Variants in SYTL5 observed in about 807,000 individuals in gnomAD.
SYTL5 encodes the protein synaptotagmin like 5.
SYTL5 carries 34 observed loss-of-function variants against 55.9 expected under a neutral mutation model. That is an observed-to-expected ratio of 0.61 (90% CI 0.46 to 0.81). The LOEUF (loss-of-function observed/expected upper bound fraction) is 0.81. Ranked by LOEUF, SYTL5 falls within the 30% of genes least tolerant of loss-of-function variation. The pLI is 0.00. For synonymous variants in SYTL5, 221 were observed against 188.7 expected (o/e 1.17, Z -1.40); for missense variants, 637 against 546.7 (o/e 1.17, Z -1.65).
chrX:37,908,119 AAG>A, the SYTL5 span, among the ~76,000 whole-genome samples: 1 of 30,444 alleles, frequency 3.3e-5, no homozygotes, highest in African/African-American at 3.3e-4. Flanking sequence ...CCTGTCTCTA[AAG>A]AAAAAAAAAA....
chrX:38,126,880 A>G lies in SYTL5; in HGVS notation c.*150A>G, dbSNP rs146868413. 6.6e-5 allele frequency: 36 copies of G among 542,817 alleles called. No individual in the cohort carries two copies. The African/African-American group carries it at 8.0e-4, about 12-fold the overall frequency. The allele number at this position is 542,817 out of a possible 1,213,427, so 44.7% of individuals were successfully genotyped here. ...GGGGAGAGATGTCAGTAGTATGAAC[A>G]TTTAGGGTCTTGCTGAGTGCCTAAA... On this transcript the variant is annotated 3_prime_UTR_variant, in exon 17 of 17. Coordinates refer to ENST00000297875, the MANE Select transcript of SYTL5 (RefSeq NM_138780.3).
At chrX:38,095,454 T>A (rs1476608889) in intron 8 of SYTL5, among the ~76,000 whole-genome samples, 1 of 112,093 alleles carries the variant, frequency 8.9e-6, no homozygotes, top group Non-Finnish European at 1.9e-5. Flanking sequence ...ATCTCAGTAG[T>A]GCTTTGGTAT....
the SYTL5 span, among the ~76,000 whole-genome samples, chrX:37,986,349 C>T: frequency 9.0e-5 from 10 of 110,879 alleles, no homozygotes; most frequent in African/African-American, 2.9e-4. Context: ...ATGAGAGGGT[C>T]GTGATTGACT....
intron 6 of SYTL5, among the ~76,000 whole-genome samples, chrX:38,084,261 T>C (rs1035120617): frequency 8.9e-6 from 1 of 112,200 alleles, no homozygotes; most frequent in African/African-American, 3.2e-5. Flanking sequence ...AGGGAGGGCA[T>C]GGAAACTCTG....
rs928276870 is a variant in SYTL5 at position 38,128,158 on chromosome X, G to A, written c.*1428G>A. On this transcript the variant is annotated 3_prime_UTR_variant, in exon 17 of 17. Transcript: ENST00000297875. Reference sequence around the variant, plus strand: ...AAAGTTAAAGCTAGAAGGAACCTCAGGCCCAGTTGCTCATTTTGCAGATTC... The same window carrying A: ...AAAGTTAAAGCTAGAAGGAACCTCAAGCCCAGTTGCTCATTTTGCAGATTC... 6 of 112,245 alleles carry A rather than the reference G, an allele frequency of 5.3e-5. No homozygotes were observed. The highest frequency in any genetic ancestry group is 1.9e-4 in the African/African-American group (6 of 30,902). The allele number at this position is 112,245 out of a possible 1,213,427, so 9.3% of individuals were successfully genotyped here.
At chrX:37,965,395 C>T in the SYTL5 span, among the ~76,000 whole-genome samples, 1 of 111,788 alleles carries the variant, frequency 8.9e-6, no homozygotes, top group Non-Finnish European at 1.9e-5. Context: ...TGTTATTTAG[C>T]TTCCACACAT....
the SYTL5 span, among the ~76,000 whole-genome samples, chrX:37,953,052 G>T: frequency 1.8e-5 from 2 of 111,464 alleles, no homozygotes; most frequent in African/African-American, 6.5e-5. Context: ...TCAGGAAAAC[G>T]AGTTTATATT....
chrX:38,088,438 A>G (rs1273708387), intron 6 of SYTL5, among the ~76,000 whole-genome samples: 2 of 111,702 alleles, frequency 1.8e-5, no homozygotes, highest in Non-Finnish European at 3.8e-5. Context: ...CTTCTATTTT[A>G]CCACTTAGCA....
intron 10 of SYTL5, among the ~76,000 whole-genome samples, chrX:38,104,970 C>T (rs1230888340): frequency 2.7e-5 from 3 of 112,464 alleles, no homozygotes; most frequent in Non-Finnish European, 5.6e-5. Context: ...AAAGAAAGCA[C>T]TTTTGGCTTC....
the SYTL5 span, among the ~76,000 whole-genome samples, chrX:37,933,935 A>G: frequency 1.1e-4 from 12 of 111,222 alleles, no homozygotes; most frequent in Non-Finnish European, 1.1e-4. Context: ...GACCCTCAAC[A>G]AAGACTAGGA....
intron 6 of SYTL5, among the ~76,000 whole-genome samples, chrX:38,077,195 T>G (rs916013474): frequency 3.6e-5 from 4 of 111,673 alleles, no homozygotes; most frequent in African/African-American, 1.3e-4. Flanking sequence ...GAATGTCCTA[T>G]CCACAGATCT....
chrX:37,944,445 G>T, the SYTL5 span, among the ~76,000 whole-genome samples: 1 of 111,544 alleles, frequency 9.0e-6, no homozygotes, highest in Non-Finnish European at 1.9e-5. Context: ...CCATGAAGAA[G>T]GCAGAAATCA....
intron 3 of SYTL5, among the ~76,000 whole-genome samples, chrX:38,065,044 A>T (rs1936061760): frequency 9.0e-6 from 1 of 111,080 alleles, no homozygotes; most frequent in African/African-American, 3.3e-5. Flanking sequence ...TTCTACTGGT[A>T]TTCGTATTAT....
the SYTL5 span, among the ~76,000 whole-genome samples, chrX:37,990,005 T>C: frequency 9.0e-6 from 1 of 110,598 alleles, no homozygotes; most frequent in Admixed American, 9.6e-5. Context: ...CCCAAGTAGC[T>C]GGGACTACAG....
intron 1 of SYTL5, among the ~76,000 whole-genome samples, chrX:38,026,427 T>A (rs899552524): frequency 4.5e-5 from 5 of 111,629 alleles, no homozygotes; most frequent in Admixed American, 1.9e-4. Context: ...GGGGTCCCGA[T>A]CCAGATCCCA....
chrX:37,988,146 A>G, the SYTL5 span, among the ~76,000 whole-genome samples: 1 of 111,938 alleles, frequency 8.9e-6, no homozygotes, highest in Non-Finnish European at 1.9e-5. Flanking sequence ...TAAAAGAGTG[A>G]GGCAGAGGCG....
chrX:38,103,180 C>A, intron 10 of SYTL5: 1 of 653,856 alleles, frequency 1.5e-6, no homozygotes, highest in Non-Finnish European at 2.3e-6. Context: ...ATTTGTCCCA[C>A]ATTTATCTTT....
chrX:37,939,541 C>T, the SYTL5 span: 1 of 112,025 alleles, frequency 8.9e-6, no homozygotes, highest in Non-Finnish European at 1.9e-5. Flanking sequence ...AATGGAAAGG[C>T]TATCTTAGAA....
chrX:37,889,180 C>G, the SYTL5 span, among the ~76,000 whole-genome samples: 3 of 112,087 alleles, frequency 2.7e-5, no homozygotes, highest in Admixed American at 2.8e-4. Flanking sequence ...ATGCGAGTAG[C>G]AAGACTATTT....
Sources: gnomAD v4.1 joint callset for allele counts (sites outside exome capture counted in the v4.1 genomes callset) on GRCh38, gnomAD v4.1.1 for gene constraint, MANE v1.5 for transcripts, NCBI Gene and HGNC (gene_info 2026-07-23, HGNC 2026-07-21) for gene names.